LRRC40: variants seen among roughly 807,000 people sequenced by gnomAD.
LRRC40 encodes the protein leucine-rich repeat-containing protein 40.
Under a neutral mutation model 72.8 loss-of-function variants are expected in LRRC40, and 76 were observed. That is an observed-to-expected ratio of 1.04 (90% confidence interval 0.87 to 1.26). The LOEUF (loss-of-function observed/expected upper bound fraction) is 1.26. Ranked by LOEUF, LRRC40 falls within the 50% of genes most tolerant of loss-of-function variation. The pLI is 0.00. For missense variants in LRRC40, 684 were observed against 698.9 expected (o/e 0.98, Z 0.24); for synonymous variants, 243 against 254.2 (o/e 0.96, Z 0.42).
At chr1:70,154,128 T>G (rs1023469463) in intron 11 of LRRC40, among the ~76,000 whole-genome samples, 1 of 152,200 alleles carries the variant, frequency 6.6e-6, no homozygotes, top group Non-Finnish European at 1.5e-5. Flanking sequence ...CAAAATTTTA[T>G]GAATATGTAT....
At chr1:70,181,412 A>G (rs1318736651) in intron 4 of LRRC40, among the ~76,000 whole-genome samples, 2 of 152,096 alleles carry the variant, frequency 1.3e-5, no homozygotes, top group African/African-American at 4.8e-5. Context: ...CTGCAGGCCC[A>G]CTATATGTTC....
intron 9 of LRRC40, among the ~76,000 whole-genome samples, chr1:70,169,661 T>A (rs1055590172): frequency 1.3e-5 from 2 of 152,112 alleles, no homozygotes; most frequent in African/African-American, 4.8e-5. Context: ...ATGGCAACTA[T>A]ATGCCAACAA....
At chr1:70,157,966 G>A (rs1441209080) in intron 10 of LRRC40, among the ~76,000 whole-genome samples, 1 of 151,570 alleles carries the variant, frequency 6.6e-6, no homozygotes, top group Admixed American at 6.6e-5. Context: ...TAGCTGGGCA[G>A]GATAGCGTGC....
chr1:70,200,686 T>C (rs186816551), intron 1 of LRRC40, among the ~76,000 whole-genome samples: 5 of 152,258 alleles, frequency 3.3e-5, no homozygotes, highest in African/African-American at 1.2e-4. Context: ...GGAAGAAACA[T>C]AGTAGATAAA....
rs761135902 is a variant in LRRC40 at position 70,189,213 on chromosome 1, GA to G, written c.211del (p.Ser71ArgfsTer14). 2 of 1,603,778 alleles carry G rather than the reference GA, an allele frequency of 1.2e-6. No homozygotes were observed. The highest frequency in any genetic ancestry group is 1.7e-6 in the Non-Finnish European group (2 of 1,177,052). ...CCACCATCTTTCAGTAGCACCAAAC[GA>G]AAGATTCTGATTAGCTTCCTCAGGG... ...DIPEEANQNL[S>X]FGATERWWEQ... On this transcript the variant is annotated frameshift_variant, in exon 2 of 15. Coordinates refer to ENST00000370952, the MANE Select transcript of LRRC40 (RefSeq NM_017768.5). LOFTEE classifies it high-confidence loss of function.
chr1:70,186,309 T>TCTCTTCCTCTCAACAATCCCCA (rs1668357996), intron 3 of LRRC40, among the ~76,000 whole-genome samples: 1 of 152,182 alleles, frequency 6.6e-6, no homozygotes, highest in South Asian at 2.1e-4. Context: ...TACTGCTTCC[T>TCTCTTCCTCTCAACAATCCCCA]CTCTTCCTCT....
At chr1:70,184,739 TC>T in intron 4 of LRRC40, 45 bp downstream of exon 4, 1 of 1,537,174 alleles carries the variant, frequency 6.5e-7, no homozygotes. Flanking sequence ...TGATGAAAAA[TC>T]CCACCAGCCC....
At chr1:70,181,250 A>C (rs778784828) in intron 4 of LRRC40, 41 bp from the exon 5 acceptor site, 1 of 1,271,860 alleles carries the variant, frequency 7.9e-7, no homozygotes, top group East Asian at 2.7e-5. Context: ...TAAACAAGTA[A>C]AAAAATAAAT....
intron 14 of LRRC40, among the ~76,000 whole-genome samples, chr1:70,147,600 T>A (rs1057144436): frequency 6.6e-6 from 1 of 152,098 alleles, no homozygotes; most frequent in African/African-American, 2.4e-5. Context: ...CCAGAAGCAA[T>A]AGGTCAGTAT....
At chr1:70,178,742 TATAAC>T in intron 6 of LRRC40, 104 bp downstream of exon 6, 1 of 572,238 alleles carries the variant, frequency 1.7e-6, no homozygotes, top group Middle Eastern at 5.1e-4. Flanking sequence ...ACACAGTACT[TATAAC>T]TAATACACAC....
intron 12 of LRRC40, 135 bp downstream of exon 12, chr1:70,152,298 C>G (rs1003769681): frequency 3.6e-6 from 2 of 555,622 alleles, no homozygotes; most frequent in East Asian, 3.0e-5. Flanking sequence ...TTGGATTCTC[C>G]TAAACTATTG....
intron 3 of LRRC40, among the ~76,000 whole-genome samples, chr1:70,186,310 C>G (rs1249186404): frequency 6.6e-6 from 1 of 152,178 alleles, no homozygotes; most frequent in Non-Finnish European, 1.5e-5. Flanking sequence ...ACTGCTTCCT[C>G]TCTTCCTCTC....
intron 1 of LRRC40, among the ~76,000 whole-genome samples, chr1:70,200,566 T>G (rs1434782002): frequency 6.6e-6 from 1 of 152,200 alleles, no homozygotes; most frequent in Non-Finnish European, 1.5e-5. Context: ...TTTAAATTAT[T>G]ATTTGTTTAA....
rs781165982 is a variant in LRRC40, at chr1:70,173,480, G to A, written c.1096C>T (p.Arg366Ter). 1.9e-6 allele frequency: 3 copies of A among 1,605,544 alleles called. No individual in the cohort carries two copies. Among genetic ancestry groups the A allele is most frequent in the East Asian group, 2.2e-5 (1 of 44,656 alleles). ...KGTQEVLKYLRSKIKDDGPSQ... is the reference protein window; with the variant it reads ...KGTQEVLKYL Reference sequence around the variant, plus strand: ...TTTAAAGTACCTTTGATCTTGCTTCGTAGATATTTTAGGACTTCTTGTGTT... The same window carrying A: ...TTTAAAGTACCTTTGATCTTGCTTCATAGATATTTTAGGACTTCTTGTGTT... Residue 366 changes from arginine to a stop codon, truncating the protein, a stop_gained, in exon 9 of 15, where the codon CGA (arginine) becomes TGA (stop). Transcript: ENST00000370952. LOFTEE classifies it high-confidence loss of function.
rs1053000505 is a variant in LRRC40, at chr1:70,168,896, G to A, written c.1111+4569C>T. Among the ~76,000 whole-genome samples the A allele has an allele frequency of 3.3e-5, 5 of 152,120 alleles. No individual in the cohort carries two copies. In the Middle Eastern group the frequency reaches 0.01, roughly 310 times the overall value. ...TGAAAATGACACAACATACCAAAACGTATGAGCTGTAGATAAAGCCATGCT... is the reference window on the plus strand; with the variant it reads ...TGAAAATGACACAACATACCAAAACATATGAGCTGTAGATAAAGCCATGCT... On this transcript the variant is annotated intron_variant, in intron 9 of 14. Transcript: ENST00000370952.
rs1468417963 is a variant in LRRC40, at chr1:70,152,417, T to C, written c.1439+16A>G. Reference sequence around the variant, plus strand: ...TATAACTTTTTAAAAAGTCAAGCAATAGTATCAATAAATACCTGAGATCTA... The same window carrying C: ...TATAACTTTTTAAAAAGTCAAGCAACAGTATCAATAAATACCTGAGATCTA... On this transcript the variant is annotated intron_variant, in intron 12 of 14. Transcript: ENST00000370952. The C allele has an allele frequency of 1.6e-6, 2 of 1,217,956 alleles. No homozygotes were observed. Among genetic ancestry groups the C allele is most frequent in the South Asian group, 1.3e-5 (1 of 79,968 alleles). 75.4% of individuals were successfully genotyped at this position (1,217,956 alleles called of 1,614,324 possible).
At position 70,205,496 on chromosome 1, in the gene LRRC40, A is replaced by G. The variant is rs758609773; in HGVS notation, c.45T>C (p.Gly15=). Residue 15 remains glycine (G), a synonymous_variant, in exon 1 of 15, where the codon GGT becomes GGC. Transcript: ENST00000370952. ...KRIAGQDLRA[G]FKAGGRDCGT... ...CGCAGTCTCTTCCACCTGCTTTGAA[A>G]CCAGCGCGGAGATCCTGCCCCGCTA... 3 of 1,605,908 alleles carry G rather than the reference A, an allele frequency of 1.9e-6. No individual in the cohort carries two copies. The Admixed American group carries it at 5.0e-5, about 27-fold the overall frequency.
At chr1:70,173,349 G>T in intron 9 of LRRC40, 116 bp downstream of exon 9, 1 of 700,132 alleles carries the variant, frequency 1.4e-6, no homozygotes. Context: ...AGCCACACAT[G>T]CCAGGATCTA....
Position 70,173,469 on chromosome 1 carries a change from G to T in LRRC40, c.1107C>A (p.Ile369=). The T allele has an allele frequency of 6.2e-7, 1 of 1,601,218 alleles. No individual in the cohort carries two copies. Among genetic ancestry groups the T allele is most frequent in the South Asian group, 1.1e-5 (1 of 90,550 alleles). ...QEVLKYLRSK[I]KDDGPSQSES... ...TAAGAGAACATTTTAAAGTACCTTT[G>T]ATCTTGCTTCGTAGATATTTTAGGA... The change falls in exon 9 of 15, where the codon ATC becomes ATA. Residue 369 remains isoleucine, a synonymous_variant. Coordinates refer to ENST00000370952, the MANE Select transcript of LRRC40 (RefSeq NM_017768.5).
Sources: allele counts gnomAD v4.1 joint callset (sites outside exome capture counted in the v4.1 genomes callset), GRCh38; gene constraint gnomAD v4.1.1; transcripts MANE v1.5; gene names NCBI Gene and HGNC (gene_info 2026-07-23, HGNC 2026-07-21).